The following LRP1B variants were observed in gnomAD, a reference collection of about 807,000 sequenced individuals.
The protein encoded by LRP1B is low-density lipoprotein receptor-related protein 1B.
Under a neutral mutation model 556.6 loss-of-function variants are expected in LRP1B, and 217 were observed. The observed-to-expected ratio is 0.39, with a 90% CI of 0.35 to 0.44. LRP1B has a LOEUF of 0.44. Ranked by LOEUF, LRP1B falls within the 20% of genes least tolerant of loss-of-function variation. LRP1B has a pLI of 1.00. For synonymous variants in LRP1B, 2,047 were observed against 1,865.8 expected (o/e 1.10, Z -2.50); for missense variants, 5,053 against 5,620.8 (o/e 0.90, Z 3.23).
intron 2 of LRP1B, among the ~76,000 whole-genome samples, chr2:141,501,208 A>T (rs1392586854): frequency 1.3e-5 from 2 of 152,044 alleles, no homozygotes; most frequent in African/African-American, 2.4e-5. Flanking sequence ...GAATTATGTA[A>T]ATTTCACAAA....
rs1219154577 is a variant in LRP1B, at chr2:140,427,413, CCTT to C, written c.10414+15088_10414+15090del. 8.5e-5 allele frequency among the ~76,000 whole-genome samples: 13 copies of C among 152,222 alleles called. No homozygotes were observed. In the South Asian group the frequency reaches 2.3e-3, roughly 27 times the overall value. ...AGGCAACCTTCCACCCTCCGTTCGT[CCTT>C]CTTCTCCCTTAGCCTATGTTCTTAA... On this transcript the variant is annotated intron_variant, in intron 66 of 90. Transcript: ENST00000389484.
intron 7 of LRP1B, among the ~76,000 whole-genome samples, chr2:141,177,304 C>T (rs1680780641): frequency 6.6e-6 from 1 of 152,062 alleles, no homozygotes; most frequent in African/African-American, 2.4e-5. Context: ...TTTCAATCCA[C>T]TAGAATTTCT....
intron 43 of LRP1B, among the ~76,000 whole-genome samples, chr2:140,556,405 TC>T (rs1206807369): frequency 5.9e-5 from 9 of 151,514 alleles, no homozygotes; most frequent in African/African-American, 1.7e-4. Context: ...CTTACTAAGT[TC>T]CCCCCACAGT....
At chr2:140,973,558 T>C (rs1696501570) in intron 18 of LRP1B, among the ~76,000 whole-genome samples, 1 of 152,056 alleles carries the variant, frequency 6.6e-6, no homozygotes, top group African/African-American at 2.4e-5. Context: ...AAAGCCAACT[T>C]GTTTATAAGA....
chr2:140,821,773 G>A (rs556707235), intron 31 of LRP1B, among the ~76,000 whole-genome samples: 28 of 152,228 alleles, frequency 1.8e-4, no homozygotes, highest in African/African-American at 5.3e-4. Flanking sequence ...CATGGCTCAC[G>A]CCTATAATCC....
At chr2:141,762,494 T>C (rs1694592841) in intron 2 of LRP1B, among the ~76,000 whole-genome samples, 1 of 152,018 alleles carries the variant, frequency 6.6e-6, no homozygotes, top group South Asian at 2.1e-4. Context: ...AATCTGATAG[T>C]ATAAAAATAT....
intron 41 of LRP1B, among the ~76,000 whole-genome samples, 157 bp downstream of exon 41, chr2:140,700,093 G>A (rs1686578097): frequency 6.7e-6 from 1 of 150,060 alleles, no homozygotes; most frequent in African/African-American, 2.5e-5. Flanking sequence ...CATTTGGCGG[G>A]GGGGTGGGGG....
intron 1 of LRP1B, among the ~76,000 whole-genome samples, chr2:141,822,531 A>G (rs1238847555): frequency 6.6e-6 from 1 of 152,104 alleles, no homozygotes; most frequent in African/African-American, 2.4e-5. Flanking sequence ...CAAAATTCAC[A>G]TATTTTTTTC....
At chr2:141,720,856 C>T (rs1692784890) in intron 2 of LRP1B, among the ~76,000 whole-genome samples, 1 of 152,012 alleles carries the variant, frequency 6.6e-6, no homozygotes. Flanking sequence ...CTAAATCAAC[C>T]ATGAGTTGGA....
At chr2:141,925,984 A>C (rs1700325833) in intron 1 of LRP1B, among the ~76,000 whole-genome samples, 1 of 152,180 alleles carries the variant, frequency 6.6e-6, no homozygotes, top group Non-Finnish European at 1.5e-5. Flanking sequence ...AAACAAGCTA[A>C]TAGGTTTTAT....
intron 83 of LRP1B, among the ~76,000 whole-genome samples, chr2:140,310,471 G>A (rs541522196): frequency 9.5e-5 from 14 of 147,788 alleles, no homozygotes; most frequent in Middle Eastern, 3.6e-3. Flanking sequence ...AGAAACAGGA[G>A]GCATTACATT....
At chr2:141,314,810 T>TTATATATATATA (rs377271635) in intron 3 of LRP1B, among the ~76,000 whole-genome samples, 120 of 123,484 alleles carry the variant, frequency 9.7e-4, no homozygotes, top group East Asian at 2.3e-3. Flanking sequence ...AAAAAAAAAT[T>TTATATATATATA]TATATATATA....
At position 140,982,024 on chromosome 2, in the gene LRP1B, G is replaced by A. The variant is rs2105343251; in HGVS notation, c.2887+136C>T. ...AGCGCACAATCAGGTCCAAAAGTTT[G>A]TAACAAAAATGCCATATCTTCTGCC... On this transcript the variant is annotated intron_variant, in intron 18 of 90. Transcript: ENST00000389484. 8.2e-6 allele frequency: 5 copies of A among 613,198 alleles called. No homozygotes were observed. The South Asian group carries it at 1.2e-4, about 15-fold the overall frequency. The allele number at this position is 613,198 out of a possible 1,614,324, so 38.0% of individuals were successfully genotyped here. A position where few individuals can be genotyped will look rare whatever the true frequency, so the allele number is the denominator to read the frequency against.
At chr2:140,463,057 C>T (rs563107480) in intron 60 of LRP1B, among the ~76,000 whole-genome samples, 15 of 152,154 alleles carry the variant, frequency 9.9e-5, no homozygotes, top group African/African-American at 2.6e-4. Context: ...AGTGAAAAAA[C>T]GGGGTGAGAT....
At chr2:141,801,538 C>G (rs900587571) in intron 2 of LRP1B, among the ~76,000 whole-genome samples, 1 of 152,172 alleles carries the variant, frequency 6.6e-6, no homozygotes, top group Non-Finnish European at 1.5e-5. Context: ...ACCAGGAGGA[C>G]AGGTCTCAGA....
At chr2:140,642,377 G>A (rs1684327555) in intron 41 of LRP1B, among the ~76,000 whole-genome samples, 1 of 152,126 alleles carries the variant, frequency 6.6e-6, no homozygotes, top group African/African-American at 2.4e-5. Context: ...TCTGAACTTC[G>A]TGCACGAGCA....
chr2:140,457,449 GA>G lies in LRP1B; in HGVS notation c.9814+13del. 1 of 1,573,470 alleles carries G rather than the reference GA, an allele frequency of 6.4e-7. No homozygotes were observed. The highest frequency in any genetic ancestry group is 8.7e-7 in the Non-Finnish European group (1 of 1,145,922). ...TGTTAATGCATTTATGGAAATCATG[GA>G]AAGAATAATTACCATCAGGTTGTCT... is the stretch of plus-strand genomic sequence containing the variant. On this transcript the variant is annotated intron_variant, in intron 61 of 90. Transcript: ENST00000389484.
intron 12 of LRP1B, among the ~76,000 whole-genome samples, chr2:141,017,171 A>C (rs190493600): frequency 0.011 from 1,577 of 150,032 alleles, 30 homozygotes; most frequent in African/African-American, 0.035. Flanking sequence ...AATTGGGACA[A>C]CTTAGTAACA....
chr2:140,963,984 C>G lies in LRP1B; in HGVS notation c.2888-12044G>C, dbSNP rs538886701. Among the ~76,000 whole-genome samples, 237 of 152,196 alleles carry G rather than the reference C, an allele frequency of 1.6e-3. 1 individual carries two copies. Among genetic ancestry groups the G allele is most frequent in the Non-Finnish European group, 2.9e-3 (197 of 68,010 alleles). ...CCAGGGGACCACTACCACCAATGCG[C>G]GGAGACCGGTAGTGGCCCCGAATGT... On this transcript the variant is annotated intron_variant, in intron 18 of 90. Transcript: ENST00000389484.
Sources: allele counts gnomAD v4.1 joint callset (sites outside exome capture counted in the v4.1 genomes callset), GRCh38; gene constraint gnomAD v4.1.1; transcripts MANE v1.5; gene names NCBI Gene and HGNC (gene_info 2026-07-23, HGNC 2026-07-21).